The following GFPT1 variants were observed in gnomAD, a reference collection of about 807,000 sequenced individuals.
GFPT1 encodes glutamine--fructose-6-phosphate transaminase 1.
Under a neutral mutation model 92.0 loss-of-function variants are expected in GFPT1, and 40 were observed. The observed-to-expected ratio is 0.43, with a 90% CI of 0.34 to 0.57. The LOEUF is 0.57. Ranked by LOEUF, GFPT1 falls within the 20% of genes least tolerant of loss-of-function variation. The probability of loss-of-function intolerance (pLI) is 0.02; values close to 1 mark genes in which losing one functional copy is unlikely to be tolerated. For synonymous variants in GFPT1, 269 were observed against 280.6 expected (o/e 0.96, Z 0.41); for missense variants, 448 against 869.1 (o/e 0.52, Z 6.09).
At chr2:69,331,044 T>C (rs1670651765) in intron 15 of GFPT1, among the ~76,000 whole-genome samples, 1 of 152,214 alleles carries the variant, frequency 6.6e-6, no homozygotes, top group Admixed American at 6.5e-5. Flanking sequence ...GGATACAGAA[T>C]TGTATGTATT....
At chr2:69,377,231 T>TAAA (rs1671894256) in intron 1 of GFPT1, among the ~76,000 whole-genome samples, 2 of 146,454 alleles carry the variant, frequency 1.4e-5, no homozygotes, top group African/African-American at 5.1e-5. Flanking sequence ...AAAAAAAGAT[T>TAAA]AAGTAATGCA....
chr2:69,321,325 G>A lies in GFPT1; in HGVS notation c.*4864C>T, dbSNP rs1670398882. The A allele has an allele frequency of 6.6e-6, 1 of 152,222 alleles. No individual in the cohort carries two copies. Among genetic ancestry groups the A allele is most frequent in the Non-Finnish European group, 1.5e-5 (1 of 68,030 alleles). The allele number at this position is 152,222 out of a possible 1,614,324, so 9.4% of individuals were successfully genotyped here. ...TTTCCCAAACTGGGAAGTTCGGGTA[G>A]AGACAGTGGCTTTTGGTAATATTTA... On this transcript the variant is annotated 3_prime_UTR_variant, in exon 20 of 20. Coordinates refer to ENST00000357308, the MANE Select transcript of GFPT1 (RefSeq NM_001244710.2).
chr2:69,364,199 T>C (rs1185475984), intron 3 of GFPT1, among the ~76,000 whole-genome samples: 1 of 151,572 alleles, frequency 6.6e-6, no homozygotes, highest in Non-Finnish European at 1.5e-5. Context: ...ACACCTACTA[T>C]ATACCCACAA....
intron 1 of GFPT1, 152 bp downstream of exon 1, chr2:69,386,913 C>T (rs1672142291): frequency 2.9e-6 from 2 of 698,238 alleles, no homozygotes; most frequent in East Asian, 3.0e-5. Flanking sequence ...CCGGCCCCCG[C>T]CCCCGCAGCC....
chr2:69,359,388 ATTACTC>A (rs1447964184), intron 4 of GFPT1, 62 bp from the exon 5 acceptor site: 15 of 960,522 alleles, frequency 1.6e-5, no homozygotes, highest in Non-Finnish European at 2.2e-5. Context: ...TAAAATAGCT[ATTACTC>A]TAACTGGATT....
rs1199138331 is a variant in GFPT1, at chr2:69,354,403, T to A, written c.685+86A>T. On this transcript the variant is annotated intron_variant, in intron 8 of 19. Coordinates refer to ENST00000357308, the MANE Select transcript of GFPT1 (RefSeq NM_001244710.2). ...GTCTAGACAGAACTATATATACATGTGCATCTGACCAAAGAGCCATCTATT... is the reference window on the plus strand; with the variant it reads ...GTCTAGACAGAACTATATATACATGAGCATCTGACCAAAGAGCCATCTATT... The A allele has an allele frequency of 4.7e-6, 6 of 1,271,344 alleles. No homozygotes were observed. In the Admixed American group the frequency reaches 1.0e-4, roughly 21 times the overall value. The allele number at this position is 1,271,344 out of a possible 1,614,324, so 78.8% of individuals were successfully genotyped here. A position where few individuals can be genotyped will look rare whatever the true frequency, so the allele number is the denominator to read the frequency against.
At chr2:69,330,610 G>A (rs1670637674) in intron 15 of GFPT1, among the ~76,000 whole-genome samples, 1 of 145,460 alleles carries the variant, frequency 6.9e-6, no homozygotes, top group Non-Finnish European at 1.5e-5. Flanking sequence ...TACAGTTGTA[G>A]AAAAGTAAAC....
At chr2:69,337,153 C>T (rs1281778396) in intron 15 of GFPT1, among the ~76,000 whole-genome samples, 3 of 150,414 alleles carry the variant, frequency 2.0e-5, no homozygotes, top group Non-Finnish European at 2.9e-5. Flanking sequence ...CAACCTCCAC[C>T]TCCCAGGTTC....
At chr2:69,340,665 G>A (rs1401992516) in intron 13 of GFPT1, among the ~76,000 whole-genome samples, 1 of 151,960 alleles carries the variant, frequency 6.6e-6, no homozygotes, top group African/African-American at 2.4e-5. Context: ...ACATGTAAAT[G>A]TGTCATGAAA....
chr2:69,342,079 G>A, intron 13 of GFPT1, 73 bp downstream of exon 13: 6 of 804,228 alleles, frequency 7.5e-6, no homozygotes, highest in Non-Finnish European at 1.0e-5. Flanking sequence ...TACACAGTAT[G>A]TTATTAGACT....
In GFPT1 at chr2:69,345,951, G is replaced by T; in HGVS notation, c.1058C>A (p.Ser353Tyr). ...TCTTCCTCTCATTGTGTTCACGACAGACTCTGGCTGCTCAAATATTTCCTT... is the reference window on the plus strand; with the variant it reads ...TCTTCCTCTCATTGTGTTCACGACATACTCTGGCTGCTCAAATATTTCCTT... ...MQKEIFEQPE[S>Y]VVNTMRGRVN... Residue 353 changes from serine (S) to tyrosine (Y), a missense_variant, in exon 12 of 20, where the codon TCT (serine) becomes TAT (tyrosine). Ser to Tyr is a moderately radical substitution (Grantham distance 144, BLOSUM62 -2). Around this residue, in one of 7 missense-constraint regions of GFPT1, gnomAD observed 121 missense variants for 304.3 expected, o/e 0.40. Transcript: ENST00000357308. 6.2e-7 allele frequency: 1 copy of T among 1,607,158 alleles called. No individual in the cohort carries two copies. Among genetic ancestry groups the T allele is most frequent in the Non-Finnish European group, 8.5e-7 (1 of 1,173,662 alleles).
intron 3 of GFPT1, among the ~76,000 whole-genome samples, chr2:69,369,007 G>C (rs142744252): frequency 3.2e-4 from 49 of 152,182 alleles, no homozygotes; most frequent in African/African-American, 1.1e-3. Flanking sequence ...TCGTCAACTT[G>C]TGGGAACTCT....
At chr2:69,351,639 G>A (rs185764881) in intron 9 of GFPT1, among the ~76,000 whole-genome samples, 5 of 152,174 alleles carry the variant, frequency 3.3e-5, no homozygotes, top group South Asian at 2.1e-4. Context: ...GCCAAAAAAA[G>A]TATATTCGAA....
chr2:69,351,058 C>T (rs1013938089), intron 9 of GFPT1, among the ~76,000 whole-genome samples: 2 of 152,162 alleles, frequency 1.3e-5, no homozygotes, highest in South Asian at 2.1e-4. Context: ...AAAACAGATG[C>T]ATATCACTCT....
chr2:69,350,607 T>C (rs560085688), intron 9 of GFPT1, among the ~76,000 whole-genome samples: 1 of 152,106 alleles, frequency 6.6e-6, no homozygotes, highest in East Asian at 1.9e-4. Flanking sequence ...ATCAAAATTG[T>C]GCAACGAAAA....
chr2:69,378,549 C>T (rs1440049158), intron 1 of GFPT1, among the ~76,000 whole-genome samples: 1 of 152,182 alleles, frequency 6.6e-6, no homozygotes, highest in African/African-American at 2.4e-5. Flanking sequence ...CAATAAATGG[C>T]AACTTAAATT....
intron 3 of GFPT1, 121 bp from the exon 4 acceptor site, chr2:69,363,791 A>G (rs377085141): frequency 3.9e-6 from 3 of 769,588 alleles, no homozygotes; most frequent in African/African-American, 3.4e-5. Context: ...CACTGAAACT[A>G]AAGATCAGGC....
At chr2:69,362,100 T>C (rs1671488237) in intron 4 of GFPT1, among the ~76,000 whole-genome samples, 1 of 152,196 alleles carries the variant, frequency 6.6e-6, no homozygotes, top group African/African-American at 2.4e-5. Flanking sequence ...TGGTGAATGT[T>C]ACCTACGAGG....
chr2:69,368,017 A>T (rs954162324), intron 3 of GFPT1, among the ~76,000 whole-genome samples: 1 of 152,162 alleles, frequency 6.6e-6, no homozygotes, highest in Non-Finnish European at 1.5e-5. Flanking sequence ...GGGAGGTCAA[A>T]GAGGGTGGAT....
Sources: allele counts gnomAD v4.1 joint callset (sites outside exome capture counted in the v4.1 genomes callset), GRCh38; gene constraint gnomAD v4.1.1; regional missense constraint gnomAD v4.1.1; transcripts MANE v1.5; gene names NCBI Gene and HGNC (gene_info 2026-07-23, HGNC 2026-07-21).